The following ARHGAP6 variants were observed in gnomAD, a reference collection of about 807,000 sequenced individuals.
ARHGAP6 encodes rho GTPase-activating protein 6.
A neutral mutation model predicts 55.7 loss-of-function variants in ARHGAP6; 16 were observed. The ratio of observed to expected loss-of-function variants is 0.29; its 90% CI spans 0.19 to 0.44. The LOEUF (loss-of-function observed/expected upper bound fraction) is 0.44. Among genes scored for constraint, ARHGAP6 ranks in the 20% least tolerant of loss-of-function variants. The probability of loss-of-function intolerance (pLI) is 1.00; values close to 1 mark genes in which losing one functional copy is unlikely to be tolerated. For synonymous variants in ARHGAP6, 382 were observed against 360.9 expected (o/e 1.06, Z -0.66); for missense variants, 698 against 808.9 (o/e 0.86, Z 1.66).
At chrX:11,309,976 A>G (rs2048278264) in intron 1 of ARHGAP6, among the ~76,000 whole-genome samples, 1 of 109,207 alleles carries the variant, frequency 9.2e-6, no homozygotes, top group African/African-American at 3.3e-5. Flanking sequence ...ACATGGCAAA[A>G]CCTCGTCTGT....
chrX:11,208,857 T>C (rs1014659268), intron 2 of ARHGAP6, among the ~76,000 whole-genome samples: 7 of 111,975 alleles, frequency 6.3e-5, no homozygotes, highest in East Asian at 5.6e-4. Flanking sequence ...ACCTCACTGC[T>C]GGGAGAATTA....
intron 1 of ARHGAP6, among the ~76,000 whole-genome samples, chrX:11,327,930 AAGGTACTTTACAGGTACTTTAC>A (rs199989563): frequency 9.0e-6 from 1 of 110,555 alleles, no homozygotes; most frequent in African/African-American, 3.3e-5. Flanking sequence ...CAGGGTTTTA[AAGGTACTTTACAGGTACTTTAC>A]AGGTACTTTA....
At chrX:11,358,465 CTTTCTTTCTTTCTTTCTTTCT>C (rs2048963256) in intron 1 of ARHGAP6, among the ~76,000 whole-genome samples, 1 of 92,247 alleles carries the variant, frequency 1.1e-5, no homozygotes, top group South Asian at 5.4e-4. Context: ...TTCTTTCTTT[CTTTCTTTCTTTCTTTCTTTCT>C]TTTTTTTTTT....
At chrX:11,384,874 C>G (rs189857406) in intron 1 of ARHGAP6, among the ~76,000 whole-genome samples, 1 of 111,160 alleles carries the variant, frequency 9.0e-6, no homozygotes, top group African/African-American at 3.3e-5. Context: ...CTGGTTTTAG[C>G]GCTGAAAAGT....
chrX:11,436,205 G>T (rs1377772175), intron 1 of ARHGAP6, among the ~76,000 whole-genome samples: 1 of 112,297 alleles, frequency 8.9e-6, no homozygotes, highest in Non-Finnish European at 1.9e-5. Flanking sequence ...GTTCCCTGTT[G>T]TTGATGGGAA....
intron 1 of ARHGAP6, among the ~76,000 whole-genome samples, chrX:11,337,799 G>T (rs1341952749): frequency 1.8e-5 from 2 of 112,615 alleles, no homozygotes; most frequent in Non-Finnish European, 3.8e-5. Flanking sequence ...AATAGCTAAG[G>T]CTGGGTAGTT....
At chrX:11,662,783 T>C (rs2052715873) in intron 1 of ARHGAP6, among the ~76,000 whole-genome samples, 3 of 112,639 alleles carry the variant, frequency 2.7e-5, no homozygotes, top group Non-Finnish European at 3.7e-5. Flanking sequence ...AGCTAGCTAA[T>C]CCAAAATGCT....
Position 11,139,085 on chromosome X carries a change from C to T in ARHGAP6, c.2703G>A (p.Pro901=). The T allele has an allele frequency of 1.7e-6, 2 of 1,203,022 alleles. No homozygotes were observed. The highest frequency in any genetic ancestry group is 3.0e-5 in the East Asian group (1 of 33,528). Residue 901 remains proline (P), a synonymous_variant, in exon 13 of 13, where the codon CCG becomes CCA. Transcript: ENST00000337414. ...AAAAAWIQGP[P]EGVETPTDQG... ...GGTCCGTGGGTGTCTCCACGCCTTCCGGGGGCCCCTGGATCCAGGCTGCCG... is the reference window on the plus strand; with the variant it reads ...GGTCCGTGGGTGTCTCCACGCCTTCTGGGGGCCCCTGGATCCAGGCTGCCG...
chrX:11,226,889 G>A (rs868507801), intron 2 of ARHGAP6, among the ~76,000 whole-genome samples: 10 of 112,279 alleles, frequency 8.9e-5, no homozygotes, highest in Admixed American at 5.6e-4. Context: ...TGGTTCAGAT[G>A]TATAACAGAA....
intron 9 of ARHGAP6, among the ~76,000 whole-genome samples, chrX:11,162,340 C>CT (rs2045962066): frequency 2.1e-5 from 2 of 96,219 alleles, no homozygotes; most frequent in Non-Finnish European, 4.2e-5. Context: ...TGTGCCCCCC[C>CT]CCCCATATTT....
chrX:11,511,416 G>A lies in ARHGAP6; in HGVS notation c.588+152825C>T, dbSNP rs186258632. 1.4e-4 allele frequency among the ~76,000 whole-genome samples: 16 copies of A among 112,500 alleles called. No individual in the cohort carries two copies. The East Asian group carries it at 2.2e-3, about 16-fold the overall frequency. On this transcript the variant is annotated intron_variant, in intron 1 of 12. Coordinates refer to ENST00000337414, the MANE Select transcript of ARHGAP6 (RefSeq NM_013427.3). ...AGAGAGGAAATCAAAATGGGTGTAC[G>A]AGAGTTTCTTTCCTAACCCCTGGGA...
intron 1 of ARHGAP6, among the ~76,000 whole-genome samples, chrX:11,444,601 T>G (rs1459728026): frequency 8.9e-6 from 1 of 112,243 alleles, no homozygotes; most frequent in Non-Finnish European, 1.9e-5. Context: ...GCTGGAAATA[T>G]AGCATTCATC....
intron 9 of ARHGAP6, among the ~76,000 whole-genome samples, chrX:11,159,727 G>C (rs1302838285): frequency 9.0e-6 from 1 of 111,358 alleles, no homozygotes; most frequent in Non-Finnish European, 1.9e-5. Context: ...GGAGAGGTCT[G>C]GGTTGAACAT....
At chrX:11,219,460 C>A in intron 2 of ARHGAP6, among the ~76,000 whole-genome samples, 1 of 98,923 alleles carries the variant, frequency 1.0e-5, no homozygotes, top group African/African-American at 3.8e-5. Context: ...GAGGAATCGC[C>A]ACACTGACTT....
chrX:11,210,023 G>A (rs1269623699), intron 2 of ARHGAP6, among the ~76,000 whole-genome samples: 2 of 112,820 alleles, frequency 1.8e-5, no homozygotes, highest in Non-Finnish European at 3.7e-5. Context: ...AATTGAATAT[G>A]TACTTTGTAA....
At chrX:11,176,306 T>TATATATATATATATATGC (rs2046220307) in intron 8 of ARHGAP6, among the ~76,000 whole-genome samples, 1 of 12,532 alleles carries the variant, frequency 8.0e-5, no homozygotes, top group African/African-American at 5.8e-4. Context: ...CATGCATATA[T>TATATATATATATATATGC]ATATATATAT....
intron 1 of ARHGAP6, among the ~76,000 whole-genome samples, chrX:11,400,652 T>C (rs1204867243): frequency 3.6e-5 from 4 of 111,087 alleles, no homozygotes; most frequent in Non-Finnish European, 7.5e-5. Flanking sequence ...AACTTTTAGA[T>C]TTCTGTCCCA....
intron 1 of ARHGAP6, among the ~76,000 whole-genome samples, chrX:11,375,718 T>C (rs948134225): frequency 9.0e-6 from 1 of 111,674 alleles, no homozygotes; most frequent in Non-Finnish European, 1.9e-5. Context: ...AACTGCACAG[T>C]CAGGGCTGAA....
chrX:11,658,407 A>G (rs917503338), intron 1 of ARHGAP6, among the ~76,000 whole-genome samples: 4 of 111,675 alleles, frequency 3.6e-5, no homozygotes, highest in Non-Finnish European at 7.5e-5. Context: ...CCTAACTTAA[A>G]AAAACCTTAA....
Sources: gnomAD v4.1 joint callset for allele counts (sites outside exome capture counted in the v4.1 genomes callset) on GRCh38, gnomAD v4.1.1 for gene constraint, MANE v1.5 for transcripts, NCBI Gene and HGNC (gene_info 2026-07-23, HGNC 2026-07-21) for gene names.